SORCS1: variants seen among roughly 807,000 people sequenced by gnomAD.
SORCS1 encodes sortilin related VPS10 domain containing receptor 1.
Under a neutral mutation model 146.1 loss-of-function variants are expected in SORCS1, and 60 were observed. That is an observed-to-expected ratio of 0.41 (90% CI 0.33 to 0.51). The LOEUF is 0.51. SORCS1 is among the 20% of genes least tolerant of loss of function. The pLI, the probability that SORCS1 is intolerant of heterozygous loss-of-function variation, is 0.21. For missense variants in SORCS1, 1,352 were observed against 1,487.6 expected, an observed-to-expected ratio of 0.91 and a Z score of 1.50; for synonymous variants, 637 against 584.0, an observed-to-expected ratio of 1.09 and a Z score of -1.31.
At chr10:106,588,480 T>C (rs547425608) in intron 24 of SORCS1, among the ~76,000 whole-genome samples, 1 of 152,298 alleles carries the variant, frequency 6.6e-6, no homozygotes, top group East Asian at 1.9e-4. Flanking sequence ...GATGGATTTC[T>C]GTCTGTGAAA....
chr10:106,591,059 C>A (rs1039656336), intron 24 of SORCS1, among the ~76,000 whole-genome samples: 1 of 152,144 alleles, frequency 6.6e-6, no homozygotes, highest in Non-Finnish European at 1.5e-5. Context: ...GAAGGTTTGG[C>A]TGGTTTGTTA....
intron 5 of SORCS1, among the ~76,000 whole-genome samples, chr10:106,755,778 T>A (rs1218222950): frequency 6.6e-6 from 1 of 152,102 alleles, no homozygotes; most frequent in East Asian, 1.9e-4. Flanking sequence ...TCAGATTCAA[T>A]CCCTGGAAAT....
Position 107,057,538 on chromosome 10 carries a change from T to G in SORCS1, c.559-100958A>C, listed in dbSNP as rs1960761960. 2.0e-5 allele frequency among the ~76,000 whole-genome samples: 3 copies of G among 152,166 alleles called. No individual in the cohort carries two copies. In the South Asian group the frequency reaches 6.2e-4, roughly 32 times the overall value. The stretch of plus-strand genomic sequence containing the variant: ...CAAACCCAAACCAAGTAATTCTTTC[T>G]TATGTTAAACTAAGCCAGATAGAGT... On this transcript the variant is annotated intron_variant, in intron 1 of 25. Transcript: ENST00000263054.
chr10:106,827,716 T>C (rs554471793), intron 3 of SORCS1, among the ~76,000 whole-genome samples: 8 of 152,330 alleles, frequency 5.3e-5, no homozygotes, highest in African/African-American at 1.9e-4. Flanking sequence ...TTAGGTGTAA[T>C]TGTTGATGAA....
intron 5 of SORCS1, among the ~76,000 whole-genome samples, chr10:106,757,192 A>C (rs964065271): frequency 1.3e-5 from 2 of 152,324 alleles, no homozygotes; most frequent in South Asian, 4.1e-4. Flanking sequence ...TGGCATGACC[A>C]TTGCTACCAG....
At chr10:106,596,409 CAAT>C (rs916868851) in intron 24 of SORCS1, among the ~76,000 whole-genome samples, 1 of 152,208 alleles carries the variant, frequency 6.6e-6, no homozygotes, top group Admixed American at 6.5e-5. Flanking sequence ...TACATCACAA[CAAT>C]GTCTGTTTCT....
chr10:107,161,995 C>T (rs2243581), intron 1 of SORCS1, among the ~76,000 whole-genome samples: 19,784 of 152,158 alleles, frequency 0.13, 1,610 homozygotes, highest in African/African-American at 0.23. Flanking sequence ...CTCATCACCT[C>T]ATTTCCTACG....
intron 2 of SORCS1, among the ~76,000 whole-genome samples, chr10:106,921,101 A>T (rs182883643): frequency 6.6e-6 from 1 of 152,252 alleles, no homozygotes; most frequent in Admixed American, 6.5e-5. Context: ...CAGGCATCAG[A>T]TCTCAATCTA....
At chr10:106,901,113 G>A (rs973055002) in intron 2 of SORCS1, among the ~76,000 whole-genome samples, 4 of 152,092 alleles carry the variant, frequency 2.6e-5, no homozygotes, top group Admixed American at 2.6e-4. Flanking sequence ...AGCTGAGCCT[G>A]GCAACTCAGT....
At chr10:106,837,602 G>C (rs1479471689) in intron 2 of SORCS1, among the ~76,000 whole-genome samples, 2 of 149,824 alleles carry the variant, frequency 1.3e-5, no homozygotes, top group Non-Finnish European at 3.0e-5. Flanking sequence ...CTAGTAGGCG[G>C]TCAGTGCCCT....
At chr10:107,149,937 A>G (rs1307725687) in intron 1 of SORCS1, among the ~76,000 whole-genome samples, 3 of 152,156 alleles carry the variant, frequency 2.0e-5, no homozygotes, top group Non-Finnish European at 2.9e-5. Context: ...CTGTCTGCAA[A>G]ATTTTTAATC....
At chr10:106,783,896 G>C (rs1589868325) in intron 3 of SORCS1, among the ~76,000 whole-genome samples, 1 of 152,132 alleles carries the variant, frequency 6.6e-6, no homozygotes, top group African/African-American at 2.4e-5. Context: ...CCACATGCTA[G>C]TTCGCAAAGA....
intron 1 of SORCS1, among the ~76,000 whole-genome samples, chr10:107,007,148 G>A (rs886254345): frequency 6.6e-6 from 1 of 152,192 alleles, no homozygotes; most frequent in Non-Finnish European, 1.5e-5. Flanking sequence ...TCTTCAAAAG[G>A]TTCATTGACT....
intron 2 of SORCS1, among the ~76,000 whole-genome samples, chr10:106,856,462 G>A (rs1312456032): frequency 6.6e-6 from 1 of 152,204 alleles, no homozygotes; most frequent in Admixed American, 6.5e-5. Context: ...AGAGGAAGTT[G>A]CAGTTGCTTA....
At position 106,959,865 on chromosome 10, in the gene SORCS1, C is replaced by T. The variant is rs189684367; in HGVS notation, c.559-3285G>A. 1.5e-4 allele frequency among the ~76,000 whole-genome samples: 23 copies of T among 152,266 alleles called. 1 individual carries two copies. The East Asian group carries it at 4.2e-3, about 28-fold the overall frequency. ...GTTGTATGTGCTTAAATAATATACACATAATTTATTTTTATTCATTCAGCA... is the reference window on the plus strand; with the variant it reads ...GTTGTATGTGCTTAAATAATATACATATAATTTATTTTTATTCATTCAGCA... On this transcript the variant is annotated intron_variant, in intron 1 of 25. Transcript: ENST00000263054.
chr10:106,938,057 A>G (rs1953843210), intron 2 of SORCS1, among the ~76,000 whole-genome samples: 1 of 152,056 alleles, frequency 6.6e-6, no homozygotes, highest in Admixed American at 6.6e-5. Context: ...ATCCTTAACC[A>G]CAGCTTGGAC....
At chr10:106,658,203 C>G (rs1465700194) in intron 17 of SORCS1, among the ~76,000 whole-genome samples, 2 of 152,080 alleles carry the variant, frequency 1.3e-5, no homozygotes, top group Non-Finnish European at 2.9e-5. Context: ...TCATCCATGG[C>G]CTGACATGCG....
intron 2 of SORCS1, among the ~76,000 whole-genome samples, chr10:106,928,293 G>A (rs1006008369): frequency 5.3e-5 from 8 of 152,226 alleles, no homozygotes; most frequent in East Asian, 1.9e-4. Context: ...GCGCAGCGCC[G>A]GTGGGCCGGC....
chr10:107,111,335 T>A (rs544113191), intron 1 of SORCS1, among the ~76,000 whole-genome samples: 4 of 151,990 alleles, frequency 2.6e-5, no homozygotes, highest in Non-Finnish European at 5.9e-5. Flanking sequence ...GAACAATGCA[T>A]GAACAAAATA....
Sources: gnomAD v4.1 joint callset for allele counts (sites outside exome capture counted in the v4.1 genomes callset) on GRCh38, gnomAD v4.1.1 for gene constraint, MANE v1.5 for transcripts, NCBI Gene and HGNC (gene_info 2026-07-23, HGNC 2026-07-21) for gene names.